USH2A: variants seen among roughly 807,000 people sequenced by gnomAD.
The protein encoded by USH2A is Usher syndrome 2A (autosomal recessive, mild).
Under a neutral mutation model 538.9 loss-of-function variants are expected in USH2A, and 443 were observed. That is an observed-to-expected ratio of 0.82 (90% confidence interval 0.76 to 0.89). USH2A has a LOEUF of 0.89. USH2A is among the 40% of genes least tolerant of loss of function. The pLI, the probability that USH2A is intolerant of heterozygous loss-of-function variation, is 0.00. For missense variants in USH2A, 6,633 were observed against 6,324.8 expected (o/e 1.05, Z -1.65); for synonymous variants, 2,413 against 2,273.5 (o/e 1.06, Z -1.75).
Position 216,088,270 on chromosome 1 carries a change from C to G in USH2A, c.4885+743G>C, listed in dbSNP as rs372153583. On this transcript the variant is annotated intron_variant, in intron 23 of 71. Transcript: ENST00000307340. ...CACACACACGCACATACACACACAA[C>G]TTTCCCTCTCATCTGGCTTTTTCAT... Among the ~76,000 whole-genome samples, 5 of 152,000 alleles carry G rather than the reference C, an allele frequency of 3.3e-5. No homozygotes were observed. The South Asian group carries it at 1.0e-3, about 32-fold the overall frequency.
At chr1:216,352,430 T>C (rs2038305396) in intron 4 of USH2A, among the ~76,000 whole-genome samples, 1 of 152,152 alleles carries the variant, frequency 6.6e-6, no homozygotes, top group Non-Finnish European at 1.5e-5. Flanking sequence ...TGAAATTAAC[T>C]ATTAGATTTA....
intron 47 of USH2A, among the ~76,000 whole-genome samples, chr1:215,837,788 C>T (rs1045682706): frequency 5.3e-5 from 8 of 152,044 alleles, no homozygotes; most frequent in Admixed American, 2.0e-4. Context: ...TGAGGCTGGG[C>T]AATCAGGGAA....
chr1:216,107,727 C>T (rs2032773315), intron 21 of USH2A, among the ~76,000 whole-genome samples: 1 of 149,980 alleles, frequency 6.7e-6, no homozygotes. Flanking sequence ...TTTGCTGTGC[C>T]TTCCCTACCT....
intron 58 of USH2A, among the ~76,000 whole-genome samples, chr1:215,756,082 G>A (rs1660786481): frequency 6.6e-6 from 1 of 151,970 alleles, no homozygotes; most frequent in African/African-American, 2.4e-5. Context: ...ATCACCATTG[G>A]TATCTATAGA....
rs372671462 is a variant in USH2A at position 216,108,135 on chromosome 1, C to CT, written c.4628-10923dup. On this transcript the variant is annotated intron_variant, in intron 21 of 71. Transcript: ENST00000307340. ...TATTATTGGTATTTTTAGCCTAAAA[C>CT]TTTTTTTAGCACTTCTTGTAATGCA... Among the ~76,000 whole-genome samples the CT allele has an allele frequency of 6.0e-3, 906 of 151,740 alleles. 9 individuals are homozygous for CT. The highest frequency in any genetic ancestry group is 0.02 in the African/African-American group (841 of 41,470).
chr1:215,971,765 T>C (rs1469618475), intron 35 of USH2A, among the ~76,000 whole-genome samples: 1 of 152,190 alleles, frequency 6.6e-6, no homozygotes, highest in Non-Finnish European at 1.5e-5. Flanking sequence ...TAGCCAATTT[T>C]CCGTCCTCCT....
intron 38 of USH2A, among the ~76,000 whole-genome samples, chr1:215,915,262 T>C (rs1665922317): frequency 6.6e-6 from 1 of 152,064 alleles, no homozygotes; most frequent in Non-Finnish European, 1.5e-5. Context: ...AACCAGACCT[T>C]TGCCCTTCCT....
chr1:215,725,655 A>T (rs1659795827), intron 61 of USH2A, among the ~76,000 whole-genome samples: 1 of 152,244 alleles, frequency 6.6e-6, no homozygotes, highest in Non-Finnish European at 1.5e-5. Context: ...AATAGGACAC[A>T]GAAGTATTGT....
At chr1:215,812,823 A>G (rs17623180) in intron 49 of USH2A, among the ~76,000 whole-genome samples, 59,658 of 152,100 alleles carry the variant, frequency 0.39, 12,092 homozygotes, top group Admixed American at 0.52. Flanking sequence ...TCCTTTTAAA[A>G]AAATTGTCAA....
chr1:216,239,904 G>T (rs2035901265), intron 13 of USH2A, among the ~76,000 whole-genome samples: 1 of 149,912 alleles, frequency 6.7e-6, no homozygotes, highest in Admixed American at 6.8e-5. Context: ...TGTCTGCAAA[G>T]ATTTGGTCTG....
intron 60 of USH2A, among the ~76,000 whole-genome samples, chr1:215,738,879 A>G (rs1660226327): frequency 6.6e-6 from 1 of 152,178 alleles, no homozygotes; most frequent in African/African-American, 2.4e-5. Flanking sequence ...GGTGGCTATA[A>G]CTATATAAAG....
intron 55 of USH2A, among the ~76,000 whole-genome samples, chr1:215,773,611 C>T (rs1661367053): frequency 6.6e-6 from 1 of 151,788 alleles, no homozygotes; most frequent in Non-Finnish European, 1.5e-5. Flanking sequence ...CTTAACACAC[C>T]CACATGTGTC....
At chr1:215,653,467 G>A (rs1454897018) in intron 64 of USH2A, among the ~76,000 whole-genome samples, 1 of 152,094 alleles carries the variant, frequency 6.6e-6, no homozygotes, top group African/African-American at 2.4e-5. Flanking sequence ...AAATCAACAT[G>A]CTTATGCAAA....
At chr1:216,279,237 TTTTTA>T (rs1390616454) in intron 11 of USH2A, among the ~76,000 whole-genome samples, 1 of 152,174 alleles carries the variant, frequency 6.6e-6, no homozygotes, top group Non-Finnish European at 1.5e-5. Flanking sequence ...TTATTTGTTG[TTTTTA>T]TTTCCTTTTA....
At chr1:215,822,693 C>T (rs901712791) in intron 47 of USH2A, among the ~76,000 whole-genome samples, 6 of 151,844 alleles carry the variant, frequency 4.0e-5, no homozygotes, top group Admixed American at 3.3e-4. Context: ...TTGTCTTGTT[C>T]CAGTTCTTCC....
intron 41 of USH2A, among the ~76,000 whole-genome samples, chr1:215,879,912 A>T (rs1040435634): frequency 1.4e-4 from 22 of 152,186 alleles, no homozygotes; most frequent in African/African-American, 5.3e-4. Context: ...TTTACATGTT[A>T]TCCTCTTTCA....
chr1:216,008,569 C>T (rs1668464932), intron 32 of USH2A, among the ~76,000 whole-genome samples: 1 of 152,170 alleles, frequency 6.6e-6, no homozygotes, highest in South Asian at 2.1e-4. Context: ...GGTGCCGTGA[C>T]TCGGATCGGG....
intron 38 of USH2A, among the ~76,000 whole-genome samples, chr1:215,907,808 G>T (rs570129042): frequency 6.6e-6 from 1 of 152,096 alleles, no homozygotes; most frequent in Non-Finnish European, 1.5e-5. Flanking sequence ...GTCTAGGAAA[G>T]ATCCTATAAA....
At chr1:216,332,673 T>G (rs531846026) in intron 4 of USH2A, among the ~76,000 whole-genome samples, 9 of 152,236 alleles carry the variant, frequency 5.9e-5, no homozygotes, top group African/African-American at 2.2e-4. Context: ...GAAAATGTAT[T>G]GGTTCTAGGC....
Sources: gnomAD v4.1 joint callset for allele counts (sites outside exome capture counted in the v4.1 genomes callset) on GRCh38, gnomAD v4.1.1 for gene constraint, MANE v1.5 for transcripts, NCBI Gene and HGNC (gene_info 2026-07-23, HGNC 2026-07-21) for gene names.